KCNH7: variants seen among roughly 807,000 people sequenced by gnomAD.
KCNH7 encodes voltage-gated inwardly rectifying potassium channel KCNH7.
A neutral mutation model predicts 120.8 loss-of-function variants in KCNH7; 49 were observed. That is an observed-to-expected ratio of 0.41 (90% confidence interval 0.32 to 0.51). The LOEUF (loss-of-function observed/expected upper bound fraction) is 0.51. Among genes scored for constraint, KCNH7 ranks in the 20% least tolerant of loss-of-function variants. The probability of loss-of-function intolerance (pLI) is 0.38; values close to 1 mark genes in which losing one functional copy is unlikely to be tolerated. For synonymous variants in KCNH7, 547 were observed against 516.1 expected (o/e 1.06, Z -0.81); for missense variants, 1,097 against 1,446.6 (o/e 0.76, Z 3.92).
intron 1 of KCNH7, 61 bp from the exon 2 acceptor site, chr2:162,836,828 T>A: frequency 8.4e-7 from 1 of 1,188,088 alleles, no homozygotes; most frequent in South Asian, 1.3e-5. Flanking sequence ...TCCGTAACAC[T>A]GAAGCAATTT....
At chr2:162,506,271 T>C (rs536331921) in intron 5 of KCNH7, among the ~76,000 whole-genome samples, 17 of 152,036 alleles carry the variant, frequency 1.1e-4, no homozygotes, top group Admixed American at 9.2e-4. Context: ...CAAACTCATC[T>C]AGCCTTCAGA....
At chr2:162,705,779 T>C (rs983706529) in intron 2 of KCNH7, among the ~76,000 whole-genome samples, 3 of 152,124 alleles carry the variant, frequency 2.0e-5, no homozygotes, top group Non-Finnish European at 4.4e-5. Context: ...AAGTTGGTAC[T>C]TGGTAATGAA....
intron 2 of KCNH7, among the ~76,000 whole-genome samples, chr2:162,541,413 G>A (rs937851441): frequency 1.9e-4 from 29 of 151,940 alleles, no homozygotes; most frequent in African/African-American, 7.0e-4. Context: ...ATTGTGGTGC[G>A]TTCAATAGCA....
intron 2 of KCNH7, among the ~76,000 whole-genome samples, chr2:162,653,276 A>T (rs2105263220): frequency 6.6e-6 from 1 of 152,372 alleles, no homozygotes; most frequent in Non-Finnish European, 1.5e-5. Context: ...AGAAATAAAA[A>T]GCATCCAACT....
At chr2:162,643,706 T>A (rs1038218258) in intron 2 of KCNH7, among the ~76,000 whole-genome samples, 3 of 145,426 alleles carry the variant, frequency 2.1e-5, no homozygotes, top group African/African-American at 7.8e-5. Context: ...CTTGGGAGGC[T>A]GAGGCAGGTG....
chr2:162,435,707 A>G, intron 7 of KCNH7, 110 bp from the exon 8 acceptor site: 2 of 1,009,676 alleles, frequency 2.0e-6, no homozygotes, highest in East Asian at 2.6e-5. Flanking sequence ...AGCATTAAGG[A>G]TAACTGCCTA....
chr2:162,790,788 C>T (rs1683905172), intron 2 of KCNH7, among the ~76,000 whole-genome samples: 1 of 151,942 alleles, frequency 6.6e-6, no homozygotes, highest in South Asian at 2.1e-4. Flanking sequence ...ACAACTCTTT[C>T]ATAATAAAAA....
intron 2 of KCNH7, among the ~76,000 whole-genome samples, chr2:162,595,793 G>A: frequency 6.6e-6 from 1 of 151,912 alleles, no homozygotes; most frequent in East Asian, 1.9e-4. Flanking sequence ...GTTTGCCAAT[G>A]TTATGATCTT....
At chr2:162,457,589 C>T (rs554206502) in intron 6 of KCNH7, among the ~76,000 whole-genome samples, 49 of 152,178 alleles carry the variant, frequency 3.2e-4, no homozygotes, top group Admixed American at 5.9e-4. Context: ...AAATTTTGTG[C>T]GAACACCAGG....
At chr2:162,397,585 G>A (rs1257033889) in intron 10 of KCNH7, among the ~76,000 whole-genome samples, 1 of 151,742 alleles carries the variant, frequency 6.6e-6, no homozygotes, top group Non-Finnish European at 1.5e-5. Flanking sequence ...AAAATCTAGG[G>A]TTATTTCAGT....
Position 162,596,643 on chromosome 2 carries a change from A to G in KCNH7, c.308-59563T>C, listed in dbSNP as rs139797394. Reference sequence around the variant, plus strand: ...GGAAAATCTAAATGACTTTGATCTGATCAATAATCTCTTACATAAGACCCC... The same window carrying G: ...GGAAAATCTAAATGACTTTGATCTGGTCAATAATCTCTTACATAAGACCCC... On this transcript the variant is annotated intron_variant, in intron 2 of 15. Coordinates refer to ENST00000332142, the MANE Select transcript of KCNH7 (RefSeq NM_033272.4). Among the ~76,000 whole-genome samples, 23 of 152,170 alleles carry G rather than the reference A, an allele frequency of 1.5e-4. 1 individual carries two copies. Among genetic ancestry groups the G allele is most frequent in the African/African-American group, 5.1e-4 (21 of 41,560 alleles).
At chr2:162,799,059 G>A (rs781683991) in intron 2 of KCNH7, among the ~76,000 whole-genome samples, 2 of 152,014 alleles carry the variant, frequency 1.3e-5, no homozygotes, top group Non-Finnish European at 2.9e-5. Context: ...AGCAGTGTTT[G>A]AATAGGGTCA....
intron 2 of KCNH7, among the ~76,000 whole-genome samples, chr2:162,635,902 C>A (rs893814712): frequency 6.6e-6 from 1 of 152,006 alleles, no homozygotes; most frequent in African/African-American, 2.4e-5. Flanking sequence ...CATCTTGCTG[C>A]CAGAAAAAGC....
At chr2:162,501,444 C>T (rs565282081) in intron 6 of KCNH7, among the ~76,000 whole-genome samples, 21 of 152,130 alleles carry the variant, frequency 1.4e-4, no homozygotes, top group African/African-American at 5.1e-4. Flanking sequence ...GCATAAGAAG[C>T]TTTAGGAAAA....
intron 2 of KCNH7, among the ~76,000 whole-genome samples, chr2:162,793,152 T>C (rs1198687237): frequency 6.6e-6 from 1 of 151,990 alleles, no homozygotes; most frequent in Non-Finnish European, 1.5e-5. Context: ...TGCAAGGACA[T>C]AGGTGGAGCT....
chr2:162,606,576 C>A (rs547488135), intron 2 of KCNH7, among the ~76,000 whole-genome samples: 1 of 152,150 alleles, frequency 6.6e-6, no homozygotes, highest in East Asian at 1.9e-4. Context: ...TTAATAGAAG[C>A]AATACAAATG....
rs188647888 is a variant in KCNH7 at position 162,603,396 on chromosome 2, G to C, written c.308-66316C>G. Among the ~76,000 whole-genome samples the C allele has an allele frequency of 1.3e-3, 204 of 152,164 alleles. 1 individual carries two copies. Among genetic ancestry groups the C allele is most frequent in the Admixed American group, 2.4e-3 (36 of 15,264 alleles). Reference sequence around the variant, plus strand: ...TTCTTAAATTTGCTGAGTTTTGAAAGATTGTTTTTGGTTCCATATAAATAC... The same window carrying C: ...TTCTTAAATTTGCTGAGTTTTGAAACATTGTTTTTGGTTCCATATAAATAC... On this transcript the variant is annotated intron_variant, in intron 2 of 15. Transcript: ENST00000332142.
At chr2:162,717,214 A>T (rs921060643) in intron 2 of KCNH7, among the ~76,000 whole-genome samples, 1 of 152,090 alleles carries the variant, frequency 6.6e-6, no homozygotes, top group Non-Finnish European at 1.5e-5. Context: ...TCTTCACCTA[A>T]TATGTCATCT....
chr2:162,698,648 T>C (rs1686382523), intron 2 of KCNH7, among the ~76,000 whole-genome samples: 1 of 152,134 alleles, frequency 6.6e-6, no homozygotes, highest in African/African-American at 2.4e-5. Context: ...AATTCATTTC[T>C]AGGTTCTACA....
Sources: allele counts gnomAD v4.1 joint callset (sites outside exome capture counted in the v4.1 genomes callset), GRCh38; gene constraint gnomAD v4.1.1; transcripts MANE v1.5; gene names NCBI Gene and HGNC (gene_info 2026-07-23, HGNC 2026-07-21).